Variants in PDXDC1 observed in about 807,000 individuals in gnomAD.
PDXDC1 encodes the protein pyridoxal dependent decarboxylase domain containing 1, also known as pyridoxal-dependent decarboxylase domain-containing protein 1.
PDXDC1 carries 42 observed loss-of-function variants against 100.1 expected under a neutral mutation model. The ratio of observed to expected loss-of-function variants is 0.42; its 90% CI spans 0.33 to 0.54. The LOEUF is 0.54. PDXDC1 is among the 20% of genes least tolerant of loss of function. The probability of loss-of-function intolerance (pLI) is 0.10; values close to 1 mark genes in which losing one functional copy is unlikely to be tolerated. For synonymous variants in PDXDC1, 260 were observed against 371.7 expected, an observed-to-expected ratio of 0.70 and a Z score of 3.46; for missense variants, 636 against 979.2, an observed-to-expected ratio of 0.65 and a Z score of 4.68.
At chr16:15,040,314 C>T (rs567861491), downstream of PDXDC1, 34 of 402,616 alleles carry the variant, frequency 8.4e-5, no homozygotes, top group Admixed American at 1.1e-3. Context: ...CTGCTTTCCA[C>T]ATGGGAGGCA....
chr16:15,094,691 G>T (rs913736498), intron 16 of PDXDC1: 1 of 190,182 alleles, frequency 5.3e-6, no homozygotes, highest in Non-Finnish European at 1.1e-5. Flanking sequence ...CAGTGCAGCA[G>T]TCTCACAGAC....
At chr16:14,998,840 G>T (rs1972559749) in intron 3 of PDXDC1, among the ~76,000 whole-genome samples, 1 of 152,278 alleles carries the variant, frequency 6.6e-6, no homozygotes, top group Non-Finnish European at 1.5e-5. Context: ...ATAGACTTAT[G>T]TGCAGTATAA....
intron 16 of PDXDC1, among the ~76,000 whole-genome samples, chr16:15,096,868 T>A (rs1004079721): frequency 2.0e-5 from 3 of 152,092 alleles, no homozygotes; most frequent in African/African-American, 7.2e-5. Context: ...GAGGTCTCAC[T>A]TTGTTGCCCA....
At chr16:15,094,071 T>G (rs1440609577) in intron 16 of PDXDC1, 24 of 1,353,646 alleles carry the variant, frequency 1.8e-5, no homozygotes, top group Non-Finnish European at 2.5e-5. Context: ...TCCCACATCC[T>G]TTCAATCCGC....
the PDXDC1 span, among the ~76,000 whole-genome samples, chr16:15,152,461 C>CA: frequency 1.3e-4 from 6 of 45,094 alleles, no homozygotes; most frequent in East Asian, 1.8e-3. Flanking sequence ...CCTGGGGGGC[C>CA]AGCCAGGGCC....
intron 16 of PDXDC1, among the ~76,000 whole-genome samples, chr16:15,067,422 G>A (rs1360424160): frequency 1.3e-5 from 1 of 79,760 alleles, no homozygotes; most frequent in African/African-American, 3.1e-5. Flanking sequence ...GATAAACAGG[G>A]TTTCATCCTA....
intron 16 of PDXDC1, chr16:15,127,742 G>A: frequency 1.3e-6 from 2 of 1,543,574 alleles, no homozygotes; most frequent in Non-Finnish European, 1.8e-6. Context: ...CCCAGGAAGA[G>A]GCAGATGAGG....
intron 8 of PDXDC1, among the ~76,000 whole-genome samples, chr16:15,013,610 C>G (rs1481660884): frequency 6.6e-6 from 1 of 152,390 alleles, no homozygotes; most frequent in Admixed American, 6.5e-5. Context: ...AGCATGAGAG[C>G]TCATGCCTGT....
intron 16 of PDXDC1, chr16:15,093,937 A>G (rs2046243022): frequency 1.7e-6 from 1 of 588,636 alleles, no homozygotes; most frequent in East Asian, 3.0e-5. Flanking sequence ...CCTCCAGAAC[A>G]GAGAACATAG....
At chr16:15,086,518 T>C (rs1463287420) in intron 16 of PDXDC1, 1 of 1,591,922 alleles carries the variant, frequency 6.3e-7, no homozygotes, top group African/African-American at 1.4e-5. Context: ...AATTTACAGC[T>C]ATCTTATATC....
chr16:15,021,465 A>G (rs1292928911), intron 12 of PDXDC1, among the ~76,000 whole-genome samples: 1 of 152,296 alleles, frequency 6.6e-6, no homozygotes, highest in Non-Finnish European at 1.5e-5. Flanking sequence ...TCACTGTGCT[A>G]TTAGCTCACT....
In PDXDC1 at chr16:15,044,615, T is replaced by G. The variant is rs1331448505; in HGVS notation, c.1399+14559T>G. ...TGGGGACCCTGCCCAGGGGCCCTGA[T>G]GACTGAGGGGATCCGTATCTGAACA... On this transcript the variant is annotated intron_variant, in intron 16 of 16. Coordinates refer to the PDXDC1 transcript ENST00000535621. 15 of 591,274 alleles carry G rather than the reference T, an allele frequency of 2.5e-5. No homozygotes were observed. The South Asian group carries it at 3.0e-4, about 12-fold the overall frequency. The allele number at this position is 591,274 out of a possible 1,614,324, so 36.6% of individuals were successfully genotyped here.
chr16:15,048,019 A>C (rs558834665), intron 16 of PDXDC1: 1 of 1,613,126 alleles, frequency 6.2e-7, no homozygotes, highest in Non-Finnish European at 8.5e-7. Flanking sequence ...AGGTCACTGC[A>C]AGCTCTCTTT....
intron 3 of PDXDC1, among the ~76,000 whole-genome samples, chr16:14,999,861 T>A: frequency 6.6e-6 from 1 of 152,274 alleles, no homozygotes; most frequent in Non-Finnish European, 1.5e-5. Flanking sequence ...AAACTTTTTT[T>A]TTTTTCCTGT....
intron 1 of PDXDC1, among the ~76,000 whole-genome samples, chr16:14,976,483 A>G (rs1439379080): frequency 6.6e-6 from 1 of 152,278 alleles, no homozygotes; most frequent in African/African-American, 2.4e-5. Context: ...GACAAGAAAA[A>G]GATAATATGG....
intron 16 of PDXDC1, chr16:15,079,915 C>T (rs2045626768): frequency 2.9e-6 from 4 of 1,378,624 alleles, no homozygotes; most frequent in Non-Finnish European, 3.9e-6. Flanking sequence ...TCTTTTCTAT[C>T]ACTGACTATT....
At chr16:15,039,170 A>G (rs1242374649), downstream of PDXDC1, among the ~76,000 whole-genome samples, 1 of 152,178 alleles carries the variant, frequency 6.6e-6, no homozygotes, top group Non-Finnish European at 1.5e-5. Context: ...TGAATTCCCA[A>G]ATTTGCCAAT....
chr16:15,027,536 G>C (rs1411202819), intron 14 of PDXDC1, among the ~76,000 whole-genome samples: 5 of 152,286 alleles, frequency 3.3e-5, no homozygotes, highest in Admixed American at 6.5e-5. Flanking sequence ...TCACATGTGG[G>C]CTTGGAGAAT....
chr16:15,033,101 G>T (rs2151644555), intron 18 of PDXDC1, 122 bp downstream of exon 18: 1 of 954,248 alleles, frequency 1.0e-6, no homozygotes, highest in Non-Finnish European at 1.7e-6. Context: ...AGGCGAAGAT[G>T]CGGTTCTGAG....
Sources: allele counts gnomAD v4.1 joint callset (sites outside exome capture counted in the v4.1 genomes callset), GRCh38; gene constraint gnomAD v4.1.1; transcripts MANE v1.5; gene names NCBI Gene and HGNC (gene_info 2026-07-23, HGNC 2026-07-21).